The following SHROOM3 variants were observed in gnomAD, a reference collection of about 807,000 sequenced individuals.
SHROOM3 encodes the protein shroom family member 3, also known as protein Shroom3.
SHROOM3 carries 47 observed loss-of-function variants against 138.6 expected under a neutral mutation model. The observed-to-expected ratio is 0.34, with a 90% CI of 0.27 to 0.43. SHROOM3 has a LOEUF of 0.43. Ranked by LOEUF, SHROOM3 falls within the 20% of genes least tolerant of loss-of-function variation. The pLI, the probability that SHROOM3 is intolerant of heterozygous loss-of-function variation, is 1.00. For missense variants in SHROOM3, 2,491 were observed against 2,596.5 expected (o/e 0.96, Z 0.88); for synonymous variants, 1,062 against 1,063.3 (o/e 1.00, Z 0.02).
At chr4:76,697,613 G>A (rs565180436) in intron 2 of SHROOM3, among the ~76,000 whole-genome samples, 1 of 152,266 alleles carries the variant, frequency 6.6e-6, no homozygotes. Flanking sequence ...ATCTTGAGCA[G>A]GTTATTTAAG....
intron 2 of SHROOM3, among the ~76,000 whole-genome samples, chr4:76,661,477 A>G (rs1430935309): frequency 6.6e-6 from 1 of 151,534 alleles, no homozygotes; most frequent in African/African-American, 2.4e-5. Flanking sequence ...TGATCCGCCC[A>G]CCTCGGCCTC....
intron 2 of SHROOM3, among the ~76,000 whole-genome samples, chr4:76,601,718 G>T (rs1483502071): frequency 2.6e-5 from 4 of 152,068 alleles, no homozygotes; most frequent in South Asian, 2.1e-4. Context: ...TGGTGGCCAG[G>T]CTGGTCTCGA....
At chr4:76,758,321 C>G (rs1259322550) in intron 8 of SHROOM3, 1 of 152,142 alleles carries the variant, frequency 6.6e-6, no homozygotes, top group Non-Finnish European at 1.5e-5. Context: ...GTTCTCTGAC[C>G]ACTGGCTGAA....
At chr4:76,548,647 G>A (rs942031593) in intron 1 of SHROOM3, among the ~76,000 whole-genome samples, 1 of 152,170 alleles carries the variant, frequency 6.6e-6, no homozygotes, top group Admixed American at 6.5e-5. Flanking sequence ...ATTACGTGCA[G>A]GCACTATGTT....
chr4:76,706,225 C>A (rs1038074215), intron 2 of SHROOM3, among the ~76,000 whole-genome samples: 18 of 152,250 alleles, frequency 1.2e-4, no homozygotes, highest in African/African-American at 4.3e-4. Context: ...AGTGATTCTC[C>A]TACCTTAGCC....
At chr4:76,775,805 T>TACTATATATATACACACAC (rs1297862269) in intron 10 of SHROOM3, among the ~76,000 whole-genome samples, 1 of 151,042 alleles carries the variant, frequency 6.6e-6, no homozygotes, top group Non-Finnish European at 1.5e-5. Flanking sequence ...TATACACACA[T>TACTATATATATACACACAC]ACTATATATA....
intron 1 of SHROOM3, among the ~76,000 whole-genome samples, chr4:76,439,143 C>A (rs988846066): frequency 6.6e-6 from 1 of 152,110 alleles, no homozygotes; most frequent in African/African-American, 2.4e-5. Context: ...TTTTCTTGCC[C>A]TGTCTAGCTT....
chr4:76,710,373 G>T, intron 3 of SHROOM3, 86 bp downstream of exon 3: 1 of 1,529,182 alleles, frequency 6.5e-7, no homozygotes. Context: ...GGAGTCGGGG[G>T]CAAGGATGGT....
chr4:76,540,009 G>A (rs1183125996), intron 1 of SHROOM3, among the ~76,000 whole-genome samples: 2 of 152,140 alleles, frequency 1.3e-5, no homozygotes, highest in African/African-American at 4.8e-5. Context: ...CACCATGCCC[G>A]GCTAATTTTC....
At position 76,779,042 on chromosome 4, in the gene SHROOM3, G is replaced by A; in HGVS notation, c.5856G>A (p.Leu1952=). The change falls in exon 11 of 11, where the codon CTG becomes CTA. Residue 1952 remains leucine (L), a synonymous_variant. Coordinates refer to ENST00000296043, the MANE Select transcript of SHROOM3 (RefSeq NM_020859.4). ...IKLGQEQVKC[L]LESLPSDFIP... is the part of the protein sequence containing the mutation. The stretch of plus-strand genomic sequence containing the variant: ...TGGGCCAGGAGCAGGTCAAGTGTCT[G>A]CTGGAGAGCCTGCCCTCAGATTTCA... 6.2e-7 allele frequency: 1 copy of A among 1,614,250 alleles called. No individual in the cohort carries two copies. The highest frequency in any genetic ancestry group is 8.5e-7 in the Non-Finnish European group (1 of 1,180,042).
intron 5 of SHROOM3, among the ~76,000 whole-genome samples, chr4:76,743,307 A>G (rs34041498): frequency 4.5e-3 from 679 of 152,360 alleles, no homozygotes; most frequent in Non-Finnish European, 6.4e-3. Context: ...TGCTCTTACC[A>G]GTCAGATGCT....
Position 76,741,566 on chromosome 4 carries a change from C to A in SHROOM3, c.3393C>A (p.Ser1131=). 6.5e-7 allele frequency: 1 copy of A among 1,544,656 alleles called. No individual in the cohort carries two copies. The highest frequency in any genetic ancestry group is 1.4e-5 in the African/African-American group (1 of 73,500). ...LQPGPAALEG[S]GLASASSLSS... is the part of the protein sequence containing the mutation. ...CCGGCCCCGCGGCGCTCGAAGGCTC[C>A]GGCCTCGCCTCGGCCTCCAGCTTGA... Residue 1131 remains serine (S), a synonymous_variant, in exon 5 of 11, where the codon TCC becomes TCA. Transcript: ENST00000296043. This position sits in a 1 kb window ranked among gnomAD's most constrained non-coding sequence, Gnocchi z 6.2.
At position 76,476,312 on chromosome 4, in the gene SHROOM3, T is replaced by C. The variant is rs57177153; in HGVS notation, c.168+40092T>C. Among the ~76,000 whole-genome samples the C allele has an allele frequency of 2.2e-3, 334 of 152,328 alleles. 1 individual carries two copies. Among genetic ancestry groups the C allele is most frequent in the African/African-American group, 7.7e-3 (322 of 41,582 alleles). On this transcript the variant is annotated intron_variant, in intron 1 of 10. Coordinates refer to ENST00000296043, the MANE Select transcript of SHROOM3 (RefSeq NM_020859.4). ...ACAAGGAGAGATGATCTCTATGCTT[T>C]TCCTAGACTCTCAAAGCCATTTGTG...
intron 1 of SHROOM3, among the ~76,000 whole-genome samples, chr4:76,452,241 C>T (rs1730940398): frequency 1.3e-5 from 2 of 152,144 alleles, no homozygotes; most frequent in African/African-American, 4.8e-5. Flanking sequence ...TAAAATTAAC[C>T]ATTTTAGCCA....
At chr4:76,725,595 A>G (rs1720680780) in intron 3 of SHROOM3, among the ~76,000 whole-genome samples, 1 of 152,210 alleles carries the variant, frequency 6.6e-6, no homozygotes. Flanking sequence ...CTCATGTACC[A>G]CATCCCTGGA....
chr4:76,670,446 G>T (rs570425274), intron 2 of SHROOM3, among the ~76,000 whole-genome samples: 1 of 152,252 alleles, frequency 6.6e-6, no homozygotes, highest in South Asian at 2.1e-4. Context: ...TGGGAGCAGG[G>T]ATTGGGCATG....
chr4:76,543,609 G>A (rs953986342), intron 1 of SHROOM3, among the ~76,000 whole-genome samples: 21 of 152,172 alleles, frequency 1.4e-4, no homozygotes, highest in African/African-American at 4.6e-4. Flanking sequence ...GCAGCAGCTC[G>A]TTTTAGTTTC....
At chr4:76,736,806 C>CAG (rs34272002) in intron 4 of SHROOM3, among the ~76,000 whole-genome samples, 85,539 of 151,544 alleles carry the variant, frequency 0.56, 24,590 homozygotes, top group Middle Eastern at 0.65. Flanking sequence ...TGAAATTGAA[C>CAG]AAAGTCCAGA....
chr4:76,567,409 G>C (rs372386638), intron 2 of SHROOM3, among the ~76,000 whole-genome samples: 16 of 152,112 alleles, frequency 1.1e-4, no homozygotes, highest in Non-Finnish European at 2.1e-4. Context: ...CCAGCACTTC[G>C]GGAGTCCAAG....
Sources: gnomAD v4.1 joint callset for allele counts (sites outside exome capture counted in the v4.1 genomes callset) on GRCh38, gnomAD v4.1.1 for gene constraint, Gnocchi (gnomAD v3.1) non-coding constraint, MANE v1.5 for transcripts, NCBI Gene and HGNC (gene_info 2026-07-23, HGNC 2026-07-21) for gene names.